MEI4: variants seen among roughly 807,000 people sequenced by gnomAD.
MEI4 encodes meiotic double-stranded break formation protein 4, also known as meiosis-specific protein MEI4.
Under a neutral mutation model 31.4 loss-of-function variants are expected in MEI4, and 27 were observed. The ratio of observed to expected loss-of-function variants is 0.86; its 90% CI spans 0.63 to 1.19. The LOEUF is 1.19. Ranked by LOEUF, MEI4 falls within the 50% of genes most tolerant of loss-of-function variation. The pLI, the probability that MEI4 is intolerant of heterozygous loss-of-function variation, is 0.00. For missense variants in MEI4, 329 were observed against 398.9 expected, an observed-to-expected ratio of 0.82 and a Z score of 1.49; for synonymous variants, 122 against 145.4, an observed-to-expected ratio of 0.84 and a Z score of 1.16.
At chr6:77,736,505 C>T (rs529078459) in intron 2 of MEI4, among the ~76,000 whole-genome samples, 22 of 152,118 alleles carry the variant, frequency 1.4e-4, no homozygotes, top group South Asian at 4.1e-4. Flanking sequence ...GCGAACGGTG[C>T]GCGCACACAC....
intron 2 of MEI4, among the ~76,000 whole-genome samples, chr6:77,734,068 T>C (rs528751408): frequency 9.2e-5 from 14 of 152,110 alleles, no homozygotes; most frequent in African/African-American, 2.9e-4. Flanking sequence ...AGTTTTGGAA[T>C]AGGTGTGGTG....
At chr6:77,751,504 T>G (rs1381738227) in intron 2 of MEI4, among the ~76,000 whole-genome samples, 7 of 151,992 alleles carry the variant, frequency 4.6e-5, no homozygotes, top group Admixed American at 4.6e-4. Flanking sequence ...GCAAATAAAC[T>G]AGAAAATCTA....
chr6:77,834,043 G>A (rs1188360868), intron 4 of MEI4, among the ~76,000 whole-genome samples: 1 of 152,076 alleles, frequency 6.6e-6, no homozygotes, highest in Non-Finnish European at 1.5e-5. Context: ...GGGCACTTGG[G>A]TGGATGTTTT....
At chr6:77,836,035 T>A (rs1770211827) in intron 4 of MEI4, among the ~76,000 whole-genome samples, 1 of 152,142 alleles carries the variant, frequency 6.6e-6, no homozygotes, top group South Asian at 2.1e-4. Flanking sequence ...TGTATACTTT[T>A]AAAAATTTAT....
chr6:77,803,671 T>C (rs979505736), intron 3 of MEI4, among the ~76,000 whole-genome samples: 21 of 152,160 alleles, frequency 1.4e-4, no homozygotes, highest in African/African-American at 4.8e-4. Context: ...CCTTTCTGTT[T>C]GTTAGTTTTC....
At chr6:77,801,581 G>A (rs934721237) in intron 3 of MEI4, among the ~76,000 whole-genome samples, 1 of 152,076 alleles carries the variant, frequency 6.6e-6, no homozygotes, top group Non-Finnish European at 1.5e-5. Context: ...TGTGATGTTA[G>A]GGTGTCAATT....
intron 1 of MEI4, among the ~76,000 whole-genome samples, chr6:77,689,179 A>G (rs1769113430): frequency 6.6e-6 from 1 of 152,002 alleles, no homozygotes; most frequent in Admixed American, 6.6e-5. Context: ...TACTTTTTTT[A>G]TCTTCCCCAT....
intron 3 of MEI4, among the ~76,000 whole-genome samples, chr6:77,801,261 T>G (rs1185212748): frequency 6.6e-6 from 1 of 152,198 alleles, no homozygotes; most frequent in African/African-American, 2.4e-5. Flanking sequence ...TTCTTCTAGA[T>G]TTTCTAGTTT....
Position 77,745,762 on chromosome 6 carries a change from C to A in MEI4, c.233-15368C>A, listed in dbSNP as rs1009548215. 1.2e-4 allele frequency among the ~76,000 whole-genome samples: 18 copies of A among 152,110 alleles called. 1 individual carries two copies. Among genetic ancestry groups the A allele is most frequent in the African/African-American group, 4.3e-4 (18 of 41,418 alleles). ...AAATGTAAAAGAACAGAAATTATAA[C>A]AAACTCTCTCTCAGACCACAGTGCA... On this transcript the variant is annotated intron_variant, in intron 2 of 4. Transcript: ENST00000684080.
At chr6:77,786,533 T>C (rs1384043144) in intron 3 of MEI4, among the ~76,000 whole-genome samples, 1 of 152,072 alleles carries the variant, frequency 6.6e-6, no homozygotes, top group Non-Finnish European at 1.5e-5. Flanking sequence ...ATTCCTTCTA[T>C]ACAACATTTT....
At chr6:77,801,323 G>T (rs1769250125) in intron 3 of MEI4, among the ~76,000 whole-genome samples, 1 of 152,114 alleles carries the variant, frequency 6.6e-6, no homozygotes, top group Non-Finnish European at 1.5e-5. Context: ...GTATTTCTGT[G>T]GGATTGGTGG....
At chr6:77,677,433 T>C (rs562886530) in intron 1 of MEI4, among the ~76,000 whole-genome samples, 15 of 152,176 alleles carry the variant, frequency 9.9e-5, no homozygotes, top group Admixed American at 4.6e-4. Context: ...TAGATAGTTG[T>C]GCAAGCTGGA....
intron 2 of MEI4, among the ~76,000 whole-genome samples, chr6:77,707,919 G>C (rs13203477): frequency 1.3e-5 from 2 of 152,336 alleles, no homozygotes; most frequent in African/African-American, 4.8e-5. Flanking sequence ...CCTTCACCTA[G>C]ATTTCAAAGG....
intron 1 of MEI4, among the ~76,000 whole-genome samples, chr6:77,687,186 C>G (rs1179323304): frequency 6.6e-6 from 1 of 151,930 alleles, no homozygotes; most frequent in African/African-American, 2.4e-5. Flanking sequence ...AAAAAGAATA[C>G]AAGTAAGCTG....
intron 1 of MEI4, among the ~76,000 whole-genome samples, chr6:77,658,893 T>A (rs1009595348): frequency 6.6e-6 from 1 of 152,042 alleles, no homozygotes; most frequent in African/African-American, 2.4e-5. Flanking sequence ...TATCCTTGAG[T>A]TTTTTTATGT....
At chr6:77,850,340 CA>C (rs1337241438) in intron 4 of MEI4, among the ~76,000 whole-genome samples, 1 of 152,050 alleles carries the variant, frequency 6.6e-6, no homozygotes, top group African/African-American at 2.4e-5. Context: ...AATCCTAAGC[CA>C]AAAGAACAAA....
rs185143110 is a variant in MEI4, at chr6:77,836,022, G to A, written c.900+6960G>A. On this transcript the variant is annotated intron_variant, in intron 4 of 4. Transcript: ENST00000684080. ...AAATACAAAACATGACACTTTCACTGCGTGTATACTTTTAAAAATTTATTT... is the reference window on the plus strand; with the variant it reads ...AAATACAAAACATGACACTTTCACTACGTGTATACTTTTAAAAATTTATTT... 3.7e-4 allele frequency among the ~76,000 whole-genome samples: 56 copies of A among 152,066 alleles called. No individual in the cohort carries two copies. The East Asian group carries it at 8.5e-3, about 23-fold the overall frequency.
chr6:77,661,119 C>T (rs1768497640), intron 1 of MEI4, among the ~76,000 whole-genome samples: 1 of 152,164 alleles, frequency 6.6e-6, no homozygotes, highest in South Asian at 2.1e-4. Flanking sequence ...CGAGGACAGG[C>T]TGTGATGCTG....
chr6:77,671,183 A>C (rs901268887), intron 1 of MEI4, among the ~76,000 whole-genome samples: 4 of 150,350 alleles, frequency 2.7e-5, no homozygotes, highest in African/African-American at 4.9e-5. Context: ...TAGCCTCCTG[A>C]GTAGCTGGGA....
Sources: gnomAD v4.1 joint callset for allele counts (sites outside exome capture counted in the v4.1 genomes callset) on GRCh38, gnomAD v4.1.1 for gene constraint, MANE v1.5 for transcripts, NCBI Gene and HGNC (gene_info 2026-07-23, HGNC 2026-07-21) for gene names.